Variants in DAB1 observed in about 807,000 individuals in gnomAD.
The protein encoded by DAB1 is DAB adaptor protein 1.
A neutral mutation model predicts 64.6 loss-of-function variants in DAB1; 15 were observed. That is an observed-to-expected ratio of 0.23 (90% CI 0.16 to 0.36). DAB1 has a LOEUF of 0.36. DAB1 is among the 10% of genes least tolerant of loss of function. The pLI, the probability that DAB1 is intolerant of heterozygous loss-of-function variation, is 1.00. For synonymous variants in DAB1, 235 were observed against 251.9 expected, an observed-to-expected ratio of 0.93 and a Z score of 0.64; for missense variants, 596 against 706.7, an observed-to-expected ratio of 0.84 and a Z score of 1.78.
intron 9 of DAB1, among the ~76,000 whole-genome samples, chr1:57,041,308 C>A (rs1347520095): frequency 6.6e-6 from 1 of 152,130 alleles, no homozygotes; most frequent in East Asian, 1.9e-4. Context: ...CCATTATGAA[C>A]CAGACACTAT....
intron 7 of DAB1, among the ~76,000 whole-genome samples, chr1:57,499,388 G>T (rs1163386149): frequency 6.6e-6 from 1 of 152,182 alleles, no homozygotes; most frequent in Non-Finnish European, 1.5e-5. Context: ...AGGGAGGGAG[G>T]TTGGGGAGGA....
At chr1:57,014,804 A>C (rs1646370902) in intron 12 of DAB1, 79 bp downstream of exon 12, 1 of 1,209,622 alleles carries the variant, frequency 8.3e-7, no homozygotes. Context: ...GAGATGAGTT[A>C]TTTGACTCCA....
At chr1:57,337,548 G>A (rs1677177896) in intron 1 of DAB1, among the ~76,000 whole-genome samples, 1 of 152,104 alleles carries the variant, frequency 6.6e-6, no homozygotes, top group South Asian at 2.1e-4. Context: ...TGTACTCTCA[G>A]TGTCTCTCCT....
intron 2 of DAB1, among the ~76,000 whole-genome samples, chr1:57,163,129 G>C (rs1660912511): frequency 6.6e-6 from 1 of 152,214 alleles, no homozygotes; most frequent in Non-Finnish European, 1.5e-5. Flanking sequence ...TGAACCAGAG[G>C]GAGGAAGCTC....
chr1:57,544,937 C>A (rs1644840505), intron 7 of DAB1, among the ~76,000 whole-genome samples: 1 of 152,176 alleles, frequency 6.6e-6, no homozygotes, highest in African/African-American at 2.4e-5. Context: ...AATTACCCAG[C>A]CTTGGACAGT....
intron 4 of DAB1, among the ~76,000 whole-genome samples, chr1:58,213,781 A>C (rs935333767): frequency 2.9e-4 from 44 of 152,256 alleles, no homozygotes; most frequent in Admixed American, 1.0e-3. Context: ...GTGCTTTCCT[A>C]AATTGGGACT....
At chr1:57,452,538 A>T (rs568361811) in intron 7 of DAB1, among the ~76,000 whole-genome samples, 8 of 152,212 alleles carry the variant, frequency 5.3e-5, no homozygotes, top group Middle Eastern at 3.4e-3. Context: ...TGAACGTTTT[A>T]TCTCTGCCCC....
chr1:58,475,855 A>G (rs1645413610), intron 3 of DAB1, among the ~76,000 whole-genome samples: 2 of 152,330 alleles, frequency 1.3e-5, no homozygotes, highest in African/African-American at 4.8e-5. Context: ...CTACCATAAC[A>G]TCAGAAAGGA....
At chr1:57,592,166 T>A (rs192126421) in intron 7 of DAB1, among the ~76,000 whole-genome samples, 3 of 152,160 alleles carry the variant, frequency 2.0e-5, no homozygotes, top group African/African-American at 7.2e-5. Context: ...AATAGGAACA[T>A]CTGGAAATGG....
chr1:58,131,524 G>A lies in DAB1; in HGVS notation n.387+18987C>T, dbSNP rs1284912799. 8.4e-3 allele frequency among the ~76,000 whole-genome samples: 1,214 copies of A among 144,968 alleles called. 14 individuals carry two copies. The highest frequency in any genetic ancestry group is 0.038 in the South Asian group (161 of 4,276). On this transcript the variant is annotated intron_variant and non_coding_transcript_variant, in intron 5 of 20. Transcript: ENST00000485760. ...GAGGAACTGCGTTCCTTTGGAGGAG[G>A]AGAGGCGCTCTGCTTTTTAGAGTTT... is the stretch of plus-strand genomic sequence containing the variant.
chr1:57,973,597 A>G lies in DAB1; in HGVS notation n.388-89435T>C, dbSNP rs2100316750. Among the ~76,000 whole-genome samples, 2 of 152,164 alleles carry G rather than the reference A, an allele frequency of 1.3e-5. 1 individual carries two copies. Among genetic ancestry groups the G allele is most frequent in the South Asian group, 4.2e-4 (2 of 4,810 alleles). On this transcript the variant is annotated intron_variant and non_coding_transcript_variant, in intron 5 of 20. Transcript: ENST00000485760. ...CCTGAAAATGATACTTCTTATACACATCCTAAAACCTGGCATCACCATCTA... is the reference window on the plus strand; with the variant it reads ...CCTGAAAATGATACTTCTTATACACGTCCTAAAACCTGGCATCACCATCTA...
chr1:58,514,559 T>A (rs1569928050), intron 2 of DAB1, among the ~76,000 whole-genome samples: 1 of 152,174 alleles, frequency 6.6e-6, no homozygotes, highest in South Asian at 2.1e-4. Context: ...AATCTTTTTT[T>A]AGGAAACCAT....
At chr1:58,011,814 C>T (rs1375132396) in intron 5 of DAB1, among the ~76,000 whole-genome samples, 1 of 152,078 alleles carries the variant, frequency 6.6e-6, no homozygotes, top group Non-Finnish European at 1.5e-5. Flanking sequence ...GTTCAGCCTC[C>T]CAAGTAGCTG....
intron 4 of DAB1, among the ~76,000 whole-genome samples, chr1:57,124,325 C>A (rs553194526): frequency 1.3e-5 from 2 of 152,006 alleles, no homozygotes; most frequent in Non-Finnish European, 2.9e-5. Context: ...AAAGAGTATG[C>A]GTGTCTATTC....
intron 3 of DAB1, among the ~76,000 whole-genome samples, chr1:58,418,868 T>C (rs1239211652): frequency 6.6e-6 from 1 of 152,206 alleles, no homozygotes; most frequent in Non-Finnish European, 1.5e-5. Context: ...TTCCACCATC[T>C]ATCAAAAAGG....
intron 5 of DAB1, among the ~76,000 whole-genome samples, chr1:58,131,251 G>A (rs187256233): frequency 0.042 from 5,901 of 139,256 alleles, 84 homozygotes; most frequent in Admixed American, 0.066. Flanking sequence ...TGATCGCATC[G>A]GCTCCTGAGG....
chr1:58,399,131 TAAGTC>T (rs1190768717), intron 3 of DAB1, among the ~76,000 whole-genome samples: 1 of 152,234 alleles, frequency 6.6e-6, no homozygotes, highest in Non-Finnish European at 1.5e-5. Context: ...ATTTTACAGA[TAAGTC>T]AAGTCAGCAT....
intron 6 of DAB1, among the ~76,000 whole-genome samples, chr1:57,713,594 A>C (rs575130812): frequency 2.0e-5 from 3 of 152,324 alleles, no homozygotes; most frequent in African/African-American, 7.2e-5. Context: ...TGGTTGTTAG[A>C]GAAACTATTC....
At chr1:58,118,949 G>T (rs192706671) in intron 5 of DAB1, among the ~76,000 whole-genome samples, 1 of 151,630 alleles carries the variant, frequency 6.6e-6, no homozygotes, top group East Asian at 2.0e-4. Context: ...CTAGCCACTA[G>T]GCACATGTGA....
Sources: gnomAD v4.1 joint callset for allele counts (sites outside exome capture counted in the v4.1 genomes callset) on GRCh38, gnomAD v4.1.1 for gene constraint, MANE v1.5 for transcripts, NCBI Gene and HGNC (gene_info 2026-07-23, HGNC 2026-07-21) for gene names.